Variants in DNAH12 observed in about 807,000 individuals in gnomAD.
The protein encoded by DNAH12 is axonemal beta dynein heavy chain 12.
A neutral mutation model predicts 371.5 loss-of-function variants in DNAH12; 285 were observed. That is an observed-to-expected ratio of 0.77 (90% CI 0.70 to 0.85). The LOEUF is 0.85. Ranked by LOEUF, DNAH12 falls within the 40% of genes least tolerant of loss-of-function variation. The pLI is 0.00. For missense variants in DNAH12, 3,611 were observed against 3,689.4 expected, an observed-to-expected ratio of 0.98 and a Z score of 0.55; for synonymous variants, 1,200 against 1,213.0, an observed-to-expected ratio of 0.99 and a Z score of 0.22.
At position 57,310,969 on chromosome 3, in the gene DNAH12, G is replaced by A. The variant is rs910904864; in HGVS notation, c.10663-19C>T. On this transcript the variant is annotated intron_variant, in intron 66 of 73. Transcript: ENST00000495027. ...TAAATAACTGAAGCAAAGGAAAAAT[G>A]AAACAAGAAAAACCTTAAAGTATTT... 1.3e-6 allele frequency: 2 copies of A among 1,500,990 alleles called. No individual in the cohort carries two copies. The highest frequency in any genetic ancestry group is 2.5e-5 in the East Asian group (1 of 40,664). The allele number at this position is 1,500,990 out of a possible 1,614,324, so 93.0% of individuals were successfully genotyped here. A position where few individuals can be genotyped will look rare whatever the true frequency, so the allele number is the denominator to read the frequency against.
chr3:57,481,926 T>C (rs1279057797), intron 13 of DNAH12, among the ~76,000 whole-genome samples: 2 of 152,146 alleles, frequency 1.3e-5, no homozygotes, highest in African/African-American at 4.8e-5. Context: ...TAATTCAAGA[T>C]GGATTAAAGA....
chr3:57,360,684 TAACAACAACAAC>T (rs1158640870), intron 58 of DNAH12, among the ~76,000 whole-genome samples: 4 of 151,094 alleles, frequency 2.6e-5, no homozygotes, highest in Non-Finnish European at 5.9e-5. Flanking sequence ...CGAAACTCTG[TAACAACAACAAC>T]AACAACAACA....
chr3:57,309,423 A>G (rs1266607959), intron 68 of DNAH12, among the ~76,000 whole-genome samples, 169 bp from the exon 69 acceptor site: 1 of 152,240 alleles, frequency 6.6e-6, no homozygotes, highest in Non-Finnish European at 1.5e-5. Flanking sequence ...AACCACAGTT[A>G]CTAAGAACTT....
intron 73 of DNAH12, 117 bp downstream of exon 73, chr3:57,295,408 T>C (rs1408128772): frequency 3.0e-6 from 2 of 677,866 alleles, no homozygotes; most frequent in Non-Finnish European, 4.9e-6. Context: ...TTAATGTTTA[T>C]TATAATTGAG....
intron 60 of DNAH12, among the ~76,000 whole-genome samples, chr3:57,342,799 A>G (rs375053774): frequency 1.3e-5 from 2 of 151,806 alleles, no homozygotes; most frequent in Non-Finnish European, 2.9e-5. Flanking sequence ...TGAGGCTAGC[A>G]TGATGGTTCA....
intron 57 of DNAH12, among the ~76,000 whole-genome samples, chr3:57,365,742 T>A (rs2063036451): frequency 1.3e-5 from 2 of 152,130 alleles, no homozygotes; most frequent in Admixed American, 6.5e-5. Flanking sequence ...TTTTTATATA[T>A]GTAGATAAAT....
Position 57,507,708 on chromosome 3 carries a change from C to G in DNAH12, c.832G>C (p.Glu278Gln), listed in dbSNP as rs1204061237. 2 of 1,611,500 alleles carry G rather than the reference C, an allele frequency of 1.2e-6. No homozygotes were observed. Among genetic ancestry groups the G allele is most frequent in the Admixed American group, 3.4e-5 (2 of 59,076 alleles). The part of the protein sequence containing the change: ...INLFTKKEAL[E>Q]GVKPEKLDAF... The stretch of plus-strand genomic sequence containing the variant: ...TCCAATTTTTCAGGTTTAACACCTT[C>G]TAGTGCCTCCTTCTTGGTAAAGAGA... Residue 278 changes from glutamate to glutamine, a missense_variant, in exon 8 of 74, where the codon GAA (glutamate) becomes CAA (glutamine). Transcript: ENST00000495027.
chr3:57,430,173 G>A (rs141911638), intron 32 of DNAH12, among the ~76,000 whole-genome samples: 78 of 151,976 alleles, frequency 5.1e-4, no homozygotes, highest in African/African-American at 1.4e-3. Context: ...AATAGCATGC[G>A]TACTCTTATA....
At chr3:57,422,566 G>A (rs188039927) in intron 35 of DNAH12, among the ~76,000 whole-genome samples, 1 of 152,292 alleles carries the variant, frequency 6.6e-6, no homozygotes, top group Admixed American at 6.5e-5. Flanking sequence ...GCTTTGGAAG[G>A]CCAAGGAAGA....
At chr3:57,310,403 C>T (rs1372684870) in intron 67 of DNAH12, among the ~76,000 whole-genome samples, 1 of 152,178 alleles carries the variant, frequency 6.6e-6, no homozygotes, top group Non-Finnish European at 1.5e-5. Flanking sequence ...TGCCTCTTCT[C>T]CTGCTAATTT....
chr3:57,412,547 A>G (rs2064240124), intron 39 of DNAH12, among the ~76,000 whole-genome samples: 1 of 152,224 alleles, frequency 6.6e-6, no homozygotes, highest in Admixed American at 6.5e-5. Flanking sequence ...ACATCTGATA[A>G]AGGACTATTA....
chr3:57,499,643 A>ATAT (rs1307559756), intron 11 of DNAH12, among the ~76,000 whole-genome samples: 30 of 24,588 alleles, frequency 1.2e-3, no homozygotes, highest in Non-Finnish European at 2.4e-3. Flanking sequence ...AAAAAAAAAA[A>ATAT]AAAAATATAT....
At chr3:57,478,008 T>C (rs1463216005) in intron 13 of DNAH12, among the ~76,000 whole-genome samples, 1 of 152,076 alleles carries the variant, frequency 6.6e-6, no homozygotes, top group Admixed American at 6.5e-5. Context: ...ACTCTAAAAA[T>C]CAGAGCGCCT....
In DNAH12 at chr3:57,454,807, C is replaced by G; in HGVS notation, c.3424G>C (p.Glu1142Gln). The G allele has an allele frequency of 6.4e-7, 1 of 1,551,392 alleles. No homozygotes were observed. The highest frequency in any genetic ancestry group is 8.7e-7 in the Non-Finnish European group (1 of 1,146,814). ...CCGCCACTTATCACTTCCTGTGTCT[C>G]AGATGTCCAGAACATTTGAGAAATA... ...LCISQMFWTS[E>Q]TQEVISGGTE... Residue 1142 changes from glutamate to glutamine, a missense_variant, in exon 23 of 74, where the codon GAG becomes CAG. By Grantham distance (29) the Glu-to-Gln change is conservative. Transcript: ENST00000495027.
rs950311910 is a variant in DNAH12, at chr3:57,428,520, C to T, written c.5253+113G>A. 4.6e-6 allele frequency: 7 copies of T among 1,522,578 alleles called. No homozygotes were observed. In the African/African-American group the frequency reaches 9.9e-5, roughly 21 times the overall value. The allele number at this position is 1,522,578 out of a possible 1,614,324, so 94.3% of individuals were successfully genotyped here. A position where few individuals can be genotyped will look rare whatever the true frequency, so the allele number is the denominator to read the frequency against. On this transcript the variant is annotated intron_variant, in intron 34 of 73. Coordinates refer to ENST00000495027, the MANE Select transcript of DNAH12 (RefSeq NM_001366028.2). ...TAAAACCAACGGTGGATAGTAAATGCATAAGGACAAACTGGTTTTAGTTAT... is the reference window on the plus strand; with the variant it reads ...TAAAACCAACGGTGGATAGTAAATGTATAAGGACAAACTGGTTTTAGTTAT...
At chr3:57,312,498 G>A (rs1039230855) in intron 66 of DNAH12, among the ~76,000 whole-genome samples, 1 of 152,196 alleles carries the variant, frequency 6.6e-6, no homozygotes, top group African/African-American at 2.4e-5. Context: ...TTGGAGAGAG[G>A]CAGCCTGCTC....
chr3:57,417,985 T>C (rs1056354740), intron 37 of DNAH12, among the ~76,000 whole-genome samples: 3 of 151,894 alleles, frequency 2.0e-5, no homozygotes, highest in Non-Finnish European at 2.9e-5. Flanking sequence ...CCCCCGACTC[T>C]ACTAAAAATA....
chr3:57,368,432 TTC>T (rs2063097418), intron 55 of DNAH12, among the ~76,000 whole-genome samples, 172 bp from the exon 56 acceptor site: 4 of 152,224 alleles, frequency 2.6e-5, no homozygotes, highest in Admixed American at 2.6e-4. Flanking sequence ...GTTTTTTTTT[TTC>T]TTTCTTATTT....
intron 4 of DNAH12, among the ~76,000 whole-genome samples, chr3:57,520,305 C>T (rs2068371345): frequency 6.6e-6 from 1 of 151,934 alleles, no homozygotes; most frequent in African/African-American, 2.4e-5. Flanking sequence ...GCGACGGTTT[C>T]ACCATGTTGG....
Sources: gnomAD v4.1 joint callset for allele counts (sites outside exome capture counted in the v4.1 genomes callset) on GRCh38, gnomAD v4.1.1 for gene constraint, MANE v1.5 for transcripts, NCBI Gene and HGNC (gene_info 2026-07-23, HGNC 2026-07-21) for gene names.